Variants in PIGBOS1 observed in about 807,000 individuals in gnomAD.
PIGBOS1 encodes the protein protein PIGBOS1.
chr15:55,317,759 A>G lies in PIGBOS1; in HGVS notation c.34T>C (p.Phe12Leu), dbSNP rs930059323. ...FRRLTFAQLL[F>L]ATVLGIAGGV... Reference sequence around the variant, plus strand: ...CCAGCAATTCCAAGGACAGTGGCAAAAAGCAGTTGTGCAAAAGTCAATCTC... The same window carrying G: ...CCAGCAATTCCAAGGACAGTGGCAAGAAGCAGTTGTGCAAAAGTCAATCTC... Residue 12 changes from phenylalanine to leucine, a missense_variant, in exon 2 of 2, where the codon TTT (phenylalanine) becomes CTT (leucine). Phe to Leu is a conservative substitution (Grantham distance 22). Transcript: ENST00000436697. 2.5e-6 allele frequency: 1 copy of G among 398,490 alleles called. No individual in the cohort carries two copies. The highest frequency in any genetic ancestry group is 2.1e-5 in the African/African-American group (1 of 48,628). The allele number at this position is 398,490 out of a possible 1,614,324, so 24.7% of individuals were successfully genotyped here. A position where few individuals can be genotyped will look rare whatever the true frequency, so the allele number is the denominator to read the frequency against.
In PIGBOS1 at chr15:55,317,763, C is replaced by T. The variant is rs1252252157; in HGVS notation, c.30G>A (p.Leu10=). 2.5e-6 allele frequency: 1 copy of T among 398,400 alleles called. No individual in the cohort carries two copies. Among genetic ancestry groups the T allele is most frequent in the Admixed American group, 4.4e-5 (1 of 22,712 alleles). The allele number at this position is 398,400 out of a possible 1,614,324, so 24.7% of individuals were successfully genotyped here. ...CAATTCCAAGGACAGTGGCAAAAAG[C>T]AGTTGTGCAAAAGTCAATCTCCTAA... MFRRLTFAQ[L]LFATVLGIAG... The change falls in exon 2 of 2, where the codon CTG becomes CTA. Residue 10 remains leucine (L), a synonymous_variant. Transcript: ENST00000436697.
chr15:55,318,424 G>A (rs1416548307), intron 1 of PIGBOS1, among the ~76,000 whole-genome samples: 1 of 145,670 alleles, frequency 6.9e-6, no homozygotes, highest in Non-Finnish European at 1.5e-5. Context: ...AGAGGAGTGG[G>A]CCGCACGCGG....
intron 1 of PIGBOS1, among the ~76,000 whole-genome samples, chr15:55,318,132 C>G (rs2141151408): frequency 6.9e-6 from 1 of 144,324 alleles, no homozygotes; most frequent in East Asian, 2.1e-4. Context: ...GAGTCTCGCT[C>G]TGTCGCCCAG....
intron 1 of PIGBOS1, among the ~76,000 whole-genome samples, chr15:55,318,174 T>C (rs1195188323): frequency 1.3e-5 from 2 of 150,116 alleles, no homozygotes; most frequent in African/African-American, 4.9e-5. Flanking sequence ...CTCGGCTCAC[T>C]GCAAGCTCCG....
Position 55,318,978 on chromosome 15 carries a change from T to C in PIGBOS1, c.-190A>G. ...CCACGTCACTAAACTCGCTACCGCC[T>C]GCTCCCCTCCAGAGACCGGGGGCCT... On this transcript the variant is annotated 5_prime_UTR_variant, in exon 1 of 2. Transcript: ENST00000436697. 2 of 408,566 alleles carry C rather than the reference T, an allele frequency of 4.9e-6. No individual in the cohort carries two copies. The allele number at this position is 408,566 out of a possible 1,614,324, so 25.3% of individuals were successfully genotyped here.
At chr15:55,318,821 T>A (rs1363659726) in intron 1 of PIGBOS1, 43 bp downstream of exon 1, 1 of 161,054 alleles carries the variant, frequency 6.2e-6, no homozygotes, top group Non-Finnish European at 1.4e-5. Context: ...ATCCCTACCC[T>A]GCCTACCTCG....
chr15:55,317,593 G>C lies in PIGBOS1; in HGVS notation c.*35C>G. The C allele has an allele frequency of 2.5e-6, 1 of 394,348 alleles. No individual in the cohort carries two copies. Among genetic ancestry groups the C allele is most frequent in the Non-Finnish European group, 4.5e-6 (1 of 223,212 alleles). The allele number at this position is 394,348 out of a possible 1,614,324, so 24.4% of individuals were successfully genotyped here. A position where few individuals can be genotyped will look rare whatever the true frequency, so the allele number is the denominator to read the frequency against. On this transcript the variant is annotated 3_prime_UTR_variant, in exon 2 of 2. Coordinates refer to ENST00000436697, the MANE Select transcript of PIGBOS1 (RefSeq NM_001308421.2). ...CTCCCAAAGTGCTGGGATTACAGGC[G>C]TGAGCCACTGCGCCAGGCCTAACTC...
intron 1 of PIGBOS1, among the ~76,000 whole-genome samples, chr15:55,318,186 C>G (rs2055073450): frequency 6.6e-6 from 1 of 150,880 alleles, no homozygotes; most frequent in South Asian, 2.1e-4. Flanking sequence ...CAAGCTCCGC[C>G]TCCTCGGTTA....
At position 55,317,829 on chromosome 15, in the gene PIGBOS1, T is replaced by G. The variant is rs1595760031; in HGVS notation, c.-37A>C. 5.0e-6 allele frequency: 2 copies of G among 397,244 alleles called. No individual in the cohort carries two copies. The highest frequency in any genetic ancestry group is 1.3e-4 in the South Asian group (1 of 7,788). 24.6% of individuals were successfully genotyped at this position (397,244 alleles called of 1,614,324 possible). On this transcript the variant is annotated 5_prime_UTR_variant, in exon 2 of 2. Coordinates refer to ENST00000436697, the MANE Select transcript of PIGBOS1 (RefSeq NM_001308421.2). ...ATACAGCTCAAGGAAAAGCTGGTTT[T>G]GGAAAGTCACACTCCACACCCAGGA...
At position 55,319,009 on chromosome 15, in the gene PIGBOS1, CA is replaced by C; in HGVS notation, c.-222del. ...CCTCCAGAGACCGGGGGCCTTCCAG[CA>C]GTTTTCGGACCCCCGAGCACAGAGA... On this transcript the variant is annotated 5_prime_UTR_variant, in exon 1 of 2. Coordinates refer to ENST00000436697, the MANE Select transcript of PIGBOS1 (RefSeq NM_001308421.2). The C allele has an allele frequency of 2.1e-6, 1 of 485,376 alleles. No individual in the cohort carries two copies. The highest frequency in any genetic ancestry group is 2.9e-5 in the South Asian group (1 of 34,324). 30.1% of individuals were successfully genotyped at this position (485,376 alleles called of 1,614,324 possible). A position where few individuals can be genotyped will look rare whatever the true frequency, so the allele number is the denominator to read the frequency against.
intron 1 of PIGBOS1, among the ~76,000 whole-genome samples, chr15:55,318,490 G>A (rs1418740150): frequency 4.0e-5 from 6 of 150,386 alleles, no homozygotes; most frequent in African/African-American, 1.5e-4. Context: ...GGATCACGAG[G>A]TCAGGAGTTC....
rs2055060460 is a variant in PIGBOS1, at chr15:55,317,661, C to A, written c.132G>T (p.Gln44His). The change falls in exon 2 of 2, where the codon CAG (glutamine) becomes CAT (histidine). Residue 44 changes from glutamine to histidine, a missense_variant. Gln to His is a conservative substitution (Grantham distance 24, BLOSUM62 0). Transcript: ENST00000436697. ...TCTTCTCTTCTGATTCTTGTACCAA[C>A]TGCATCTTTTCTTTTAATTCCTTCT... ...KDQKELKEKM[Q>H]LVQESEEKKS is the part of the protein sequence containing the mutation. The A allele has an allele frequency of 5.0e-6, 2 of 398,602 alleles. No homozygotes were observed. Among genetic ancestry groups the A allele is most frequent in the Non-Finnish European group, 8.8e-6 (2 of 226,046 alleles). The allele number at this position is 398,602 out of a possible 1,614,324, so 24.7% of individuals were successfully genotyped here.
At chr15:55,318,382 C>A (rs2055078680) in intron 1 of PIGBOS1, among the ~76,000 whole-genome samples, 1 of 143,264 alleles carries the variant, frequency 7.0e-6, no homozygotes, top group African/African-American at 2.5e-5. Context: ...CAGGCGTGAG[C>A]CACCGCGCCC....
intron 1 of PIGBOS1, 86 bp from the exon 2 acceptor site, chr15:55,317,953 A>T (rs55661134): frequency 0.22 from 83,539 of 376,246 alleles, 10,887 homozygotes; most frequent in East Asian, 0.51. Context: ...ACTGGAGTGA[A>T]CAATATTTTT....
rs940567234 is a variant in PIGBOS1, at chr15:55,319,059, A to G, written c.-271T>C. Reference sequence around the variant, plus strand: ...GACCGCCAAGCCAAAGGCGAGTAGCAATCCCTCGGTTCGGAAACGGCGAAA... The same window carrying G: ...GACCGCCAAGCCAAAGGCGAGTAGCGATCCCTCGGTTCGGAAACGGCGAAA... On this transcript the variant is annotated 5_prime_UTR_variant, in exon 1 of 2. Coordinates refer to ENST00000436697, the MANE Select transcript of PIGBOS1 (RefSeq NM_001308421.2). The G allele has an allele frequency of 1.1e-5, 7 of 639,210 alleles. No individual in the cohort carries two copies. In the Admixed American group the frequency reaches 1.3e-4, roughly 12 times the overall value. 39.6% of individuals were successfully genotyped at this position (639,210 alleles called of 1,614,324 possible). A position where few individuals can be genotyped will look rare whatever the true frequency, so the allele number is the denominator to read the frequency against.
At chr15:55,317,913 C>T in intron 1 of PIGBOS1, 46 bp from the exon 2 acceptor site, 2 of 386,498 alleles carry the variant, frequency 5.2e-6, no homozygotes, top group Non-Finnish European at 9.1e-6. Flanking sequence ...GTACAATGTC[C>T]TTTTAAAAGA....
chr15:55,319,071 C>A lies in PIGBOS1; in HGVS notation c.-283G>T. 2.8e-6 allele frequency: 2 copies of A among 710,818 alleles called. No individual in the cohort carries two copies. Among genetic ancestry groups the A allele is most frequent in the Non-Finnish European group, 4.4e-6 (2 of 451,780 alleles). The allele number at this position is 710,818 out of a possible 1,614,324, so 44.0% of individuals were successfully genotyped here. ...AAAGGCGAGTAGCAATCCCTCGGTT[C>A]GGAAACGGCGAAAGGAAACCGCAAG... On this transcript the variant is annotated 5_prime_UTR_variant, in exon 1 of 2. Coordinates refer to ENST00000436697, the MANE Select transcript of PIGBOS1 (RefSeq NM_001308421.2).
rs1054713535 is a variant in PIGBOS1, at chr15:55,319,116, G to C, written c.-328C>G. The C allele has an allele frequency of 1.8e-5, 19 of 1,058,398 alleles. No individual in the cohort carries two copies. In the South Asian group the frequency reaches 3.2e-4, roughly 18 times the overall value. The allele number at this position is 1,058,398 out of a possible 1,614,324, so 65.6% of individuals were successfully genotyped here. The stretch of plus-strand genomic sequence containing the variant: ...CGCAAGGAGGCCACCACGTCGGGTG[G>C]GAGCTACGAAGTTGCCCGTTCCCGG... On this transcript the variant is annotated 5_prime_UTR_variant, in exon 1 of 2. Transcript: ENST00000436697.
At chr15:55,318,432 C>T (rs1425951613) in intron 1 of PIGBOS1, among the ~76,000 whole-genome samples, 1 of 141,282 alleles carries the variant, frequency 7.1e-6, no homozygotes, top group Admixed American at 6.9e-5. Flanking sequence ...GGGCCGCACG[C>T]GGTGGCTCAC....
Sources: allele counts gnomAD v4.1 joint callset (sites outside exome capture counted in the v4.1 genomes callset), GRCh38; gene constraint gnomAD v4.1.1; transcripts MANE v1.5; gene names NCBI Gene and HGNC (gene_info 2026-07-23, HGNC 2026-07-21).